The following RELCH variants were observed in gnomAD, a reference collection of about 807,000 sequenced individuals.
RELCH encodes RAB11-binding protein RELCH.
In RELCH, 41 loss-of-function variants were observed where a neutral mutation model predicts 150.3. The ratio of observed to expected loss-of-function variants is 0.27; its 90% CI spans 0.21 to 0.35. The LOEUF is 0.35. RELCH is among the 10% of genes least tolerant of loss of function. The pLI is 1.00. For missense variants in RELCH, 1,092 were observed against 1,467.8 expected, an observed-to-expected ratio of 0.74 and a Z score of 4.18; for synonymous variants, 478 against 531.8, an observed-to-expected ratio of 0.90 and a Z score of 1.39.
At chr18:62,277,728 C>T in intron 22 of RELCH, 1 of 914,376 alleles carries the variant, frequency 1.1e-6, no homozygotes, top group Non-Finnish European at 1.3e-6. Flanking sequence ...GGAACCCAAT[C>T]AATCATATTA....
At chr18:62,258,698 ATAG>A in intron 15 of RELCH, 22 bp downstream of exon 15, 1 of 1,532,276 alleles carries the variant, frequency 6.5e-7, no homozygotes, top group Non-Finnish European at 8.8e-7. Flanking sequence ...TTTTGTTTAT[ATAG>A]TTTGTAGAAA....
chr18:62,296,290 G>T (rs1050077229), intron 27 of RELCH, among the ~76,000 whole-genome samples: 16 of 152,086 alleles, frequency 1.1e-4, no homozygotes, highest in Admixed American at 7.9e-4. Context: ...AAGACGCGTT[G>T]AAAGTTACAA....
At chr18:62,234,115 A>T (rs1017197694) in intron 10 of RELCH, among the ~76,000 whole-genome samples, 2 of 152,030 alleles carry the variant, frequency 1.3e-5, no homozygotes, top group Non-Finnish European at 2.9e-5. Context: ...CCTCAAAATT[A>T]AATTGGTAAA....
At chr18:62,228,232 A>G in intron 7 of RELCH, 73 bp from the exon 8 acceptor site, 3 of 1,161,898 alleles carry the variant, frequency 2.6e-6, no homozygotes, top group East Asian at 4.7e-5. Flanking sequence ...CATTAAACCC[A>G]TTATGAGATT....
At chr18:62,236,180 A>G (rs2041870711) in intron 10 of RELCH, among the ~76,000 whole-genome samples, 1 of 151,988 alleles carries the variant, frequency 6.6e-6, no homozygotes, top group Non-Finnish European at 1.5e-5. Flanking sequence ...TGAATTTGCC[A>G]CATGCTTTTT....
At chr18:62,280,113 C>G (rs2044426062) in intron 23 of RELCH, among the ~76,000 whole-genome samples, 1 of 152,118 alleles carries the variant, frequency 6.6e-6, no homozygotes, top group African/African-American at 2.4e-5. Context: ...TAAATACTTC[C>G]AGAACCTAAA....
At chr18:62,269,000 G>A in intron 20 of RELCH, 52 bp downstream of exon 20, 2 of 884,530 alleles carry the variant, frequency 2.3e-6, no homozygotes, top group Non-Finnish European at 3.5e-6. Context: ...TTAGAAAAAT[G>A]CCTAGTATTG....
intron 28 of RELCH, chr18:62,299,969 G>A (rs2045592623): frequency 6.6e-6 from 1 of 152,064 alleles, no homozygotes; most frequent in African/African-American, 2.4e-5. Flanking sequence ...TTTCATAAAT[G>A]TCAGTGATTT....
intron 9 of RELCH, 50 bp from the exon 10 acceptor site, chr18:62,232,282 T>G (rs367908050): frequency 3.4e-6 from 4 of 1,186,776 alleles, no homozygotes; most frequent in Non-Finnish European, 5.0e-6. Flanking sequence ...CATATTATTA[T>G]GCACAGAAGT....
chr18:62,248,301 T>A (rs2042525071), intron 11 of RELCH, among the ~76,000 whole-genome samples: 1 of 152,194 alleles, frequency 6.6e-6, no homozygotes, highest in Admixed American at 6.5e-5. Context: ...GTCATTTTGT[T>A]TTAAAATGAG....
At chr18:62,266,789 T>A in intron 19 of RELCH, 40 bp downstream of exon 19, 1 of 1,219,568 alleles carries the variant, frequency 8.2e-7, no homozygotes, top group Non-Finnish European at 1.2e-6. Context: ...CAATTGCATT[T>A]CTTTATGCAG....
intron 11 of RELCH, among the ~76,000 whole-genome samples, chr18:62,248,787 G>A (rs1319720192): frequency 6.6e-6 from 1 of 152,178 alleles, no homozygotes; most frequent in African/African-American, 2.4e-5. Context: ...GGCTAGTCCT[G>A]AGTCTAATAC....
At chr18:62,251,413 C>T (rs376929498) in intron 11 of RELCH, among the ~76,000 whole-genome samples, 22 of 152,214 alleles carry the variant, frequency 1.4e-4, no homozygotes, top group East Asian at 1.2e-3. Flanking sequence ...GGCCAGAAGC[C>T]ACCTTTAATT....
In RELCH at chr18:62,211,354, GTTA is replaced by G. The variant is rs376535496; in HGVS notation, c.616+117_616+119del. The G allele has an allele frequency of 6.9e-4, 392 of 569,476 alleles. 1 individual carries two copies. The highest frequency in any genetic ancestry group is 6.6e-3 in the African/African-American group (338 of 51,212). The allele number at this position is 569,476 out of a possible 1,614,324, so 35.3% of individuals were successfully genotyped here. A position where few individuals can be genotyped will look rare whatever the true frequency, so the allele number is the denominator to read the frequency against. On this transcript the variant is annotated intron_variant, in intron 2 of 28. Coordinates refer to ENST00000644646, the MANE Select transcript of RELCH (RefSeq NM_001346231.2). ...TTGGTATGTGACTATAACATATATA[GTTA>G]TTATACAAAGTTATGTTACTAATTA...
chr18:62,297,032 G>A lies in RELCH; in HGVS notation c.3460-1758G>A, dbSNP rs1018028698. On this transcript the variant is annotated intron_variant, in intron 27 of 28. Coordinates refer to ENST00000644646, the MANE Select transcript of RELCH (RefSeq NM_001346231.2). ...CGCAAATTTCCCTACCTCCATTAGG[G>A]TATGGTGGGACTGAATAAGAGGAAT... Among the ~76,000 whole-genome samples, 6 of 152,210 alleles carry A rather than the reference G, an allele frequency of 3.9e-5. No homozygotes were observed. The East Asian group carries it at 1.2e-3, about 29-fold the overall frequency.
intron 1 of RELCH, among the ~76,000 whole-genome samples, chr18:62,193,219 T>C (rs569246934): frequency 2.1e-3 from 317 of 152,338 alleles, no homozygotes; most frequent in African/African-American, 7.2e-3. Flanking sequence ...ACATTAATTT[T>C]GTATCCTGAG....
intron 27 of RELCH, among the ~76,000 whole-genome samples, chr18:62,297,557 AAG>A (rs1008229833): frequency 2.0e-5 from 3 of 152,198 alleles, no homozygotes; most frequent in African/African-American, 7.2e-5. Flanking sequence ...CCTGTGAGAC[AAG>A]AGAGTGGGGA....
At chr18:62,279,108 G>T (rs1346134867) in intron 22 of RELCH, among the ~76,000 whole-genome samples, 1 of 152,088 alleles carries the variant, frequency 6.6e-6, no homozygotes, top group Non-Finnish European at 1.5e-5. Flanking sequence ...GAAAACTTGC[G>T]TTTCAAGAGG....
At chr18:62,279,622 A>G (rs1244363190) in intron 22 of RELCH, among the ~76,000 whole-genome samples, 152 bp from the exon 23 acceptor site, 1 of 152,080 alleles carries the variant, frequency 6.6e-6, no homozygotes, top group Non-Finnish European at 1.5e-5. Flanking sequence ...TTTGTAAAGC[A>G]CTCTAGCAGC....
Sources: allele counts gnomAD v4.1 joint callset (sites outside exome capture counted in the v4.1 genomes callset), GRCh38; gene constraint gnomAD v4.1.1; transcripts MANE v1.5; gene names NCBI Gene and HGNC (gene_info 2026-07-23, HGNC 2026-07-21).